PCDHGB1: variants seen among roughly 807,000 people sequenced by gnomAD.
PCDHGB1 encodes the protein protocadherin gamma subfamily B, 1.
In PCDHGB1, 34 loss-of-function variants were observed where a neutral mutation model predicts 56.6. That is an observed-to-expected ratio of 0.60 (90% CI 0.46 to 0.80). The LOEUF (loss-of-function observed/expected upper bound fraction) is 0.80. PCDHGB1 is among the 30% of genes least tolerant of loss of function. The pLI is 0.00. For synonymous variants in PCDHGB1, 561 were observed against 505.9 expected (o/e 1.11, Z -1.46); for missense variants, 1,278 against 1,204.6 (o/e 1.06, Z -0.90).
intron 1 of PCDHGB1, chr5:141,428,119 C>T (rs2097112199): frequency 6.2e-7 from 1 of 1,606,512 alleles, no homozygotes; most frequent in Non-Finnish European, 8.5e-7. Context: ...GCCATCGAGC[C>T]CGGGCTTTTC....
chr5:141,410,631 C>CT (rs768462511), intron 1 of PCDHGB1: 26 of 1,600,818 alleles, frequency 1.6e-5, no homozygotes, highest in Non-Finnish European at 2.2e-5. Context: ...GTGAGTTTCT[C>CT]TTTTTTGTGT....
chr5:141,364,290 G>C, intron 1 of PCDHGB1: 2 of 1,518,718 alleles, frequency 1.3e-6, no homozygotes, highest in Non-Finnish European at 1.8e-6. Context: ...GAAACAGCAG[G>C]CTGAACCAGA....
chr5:141,472,994 AAAAG>A (rs1425445230), intron 1 of PCDHGB1, among the ~76,000 whole-genome samples: 7 of 151,692 alleles, frequency 4.6e-5, no homozygotes, highest in African/African-American at 1.7e-4. Context: ...AAAAAAAAAA[AAAAG>A]AAAGAAAAAG....
Position 141,476,075 on chromosome 5 carries a change from G to T in PCDHGB1, c.2410-18732G>T. ...TGAAAGTTTCTCAGCGAAATCTCAG[G>T]GACGATCTGGACCCCGCTGAGAGGA... On this transcript the variant is annotated intron_variant, in intron 1 of 3. Coordinates refer to ENST00000523390, the MANE Select transcript of PCDHGB1 (RefSeq NM_018922.3). This position sits in a 1 kb window ranked among gnomAD's most constrained non-coding sequence, Gnocchi z 7.6. The T allele has an allele frequency of 6.6e-7, 1 of 1,526,282 alleles. No homozygotes were observed. The highest frequency in any genetic ancestry group is 1.3e-5 in the South Asian group (1 of 78,462). The allele number at this position is 1,526,282 out of a possible 1,614,324, so 94.5% of individuals were successfully genotyped here.
chr5:141,448,912 T>C (rs1195715286), intron 1 of PCDHGB1, among the ~76,000 whole-genome samples: 1 of 152,152 alleles, frequency 6.6e-6, no homozygotes, highest in Non-Finnish European at 1.5e-5. Flanking sequence ...GCCACTGCAC[T>C]CCAGCCTGGG....
rs552811383 is a variant in PCDHGB1, at chr5:141,351,385, T to C, written c.1125T>C (p.Asn375=). 2.0e-5 allele frequency: 32 copies of C among 1,612,156 alleles called. No individual in the cohort carries two copies. In the South Asian group the frequency reaches 3.2e-4, roughly 16 times the overall value. The change falls in exon 1 of 4, where the codon AAT becomes AAC. Residue 375 remains asparagine (N), a synonymous_variant. Transcript: ENST00000523390. ...IKVRDKDSGQ[N]GMVTCYTQEE... ...TGCGAGACAAGGATTCTGGGCAAAA[T>C]GGCATGGTGACATGCTATACTCAGG...
intron 1 of PCDHGB1, among the ~76,000 whole-genome samples, chr5:141,381,193 T>C (rs1052848234): frequency 2.6e-5 from 4 of 152,260 alleles, no homozygotes; most frequent in African/African-American, 9.6e-5. Context: ...TAAGCTTTCT[T>C]AGTGTTAGTT....
chr5:141,425,221 C>T (rs2096862694), intron 1 of PCDHGB1, among the ~76,000 whole-genome samples: 1 of 152,068 alleles, frequency 6.6e-6, no homozygotes, highest in African/African-American at 2.4e-5. Context: ...TGTACTTTGA[C>T]TGGAATTAGT....
intron 1 of PCDHGB1, chr5:141,418,372 A>G (rs771262387): frequency 3.1e-6 from 5 of 1,613,968 alleles, no homozygotes; most frequent in Non-Finnish European, 3.4e-6. Context: ...GCAAATACCA[A>G]CTAAGTCCTA....
intron 1 of PCDHGB1, chr5:141,382,918 G>T: frequency 2.6e-6 from 4 of 1,558,926 alleles, no homozygotes; most frequent in Non-Finnish European, 3.5e-6. Context: ...TCAGCCGAGG[G>T]GCGGGGACTA....
In PCDHGB1 at chr5:141,357,543, C is replaced by G. The variant is rs376070202; in HGVS notation, c.2409+4874C>G. On this transcript the variant is annotated intron_variant, in intron 1 of 3. Transcript: ENST00000523390. ...CCAGCTATGCAGACACGCTCATCAG[C>G]CGGGAGAGTTGTGAGAAAAGCGAGC... is the stretch of plus-strand genomic sequence containing the variant. 15 of 1,614,066 alleles carry G rather than the reference C, an allele frequency of 9.3e-6. No individual in the cohort carries two copies. In the African/African-American group the frequency reaches 2.0e-4, roughly 22 times the overall value.
intron 1 of PCDHGB1, among the ~76,000 whole-genome samples, chr5:141,456,668 T>G (rs2098874996): frequency 1.3e-5 from 2 of 152,254 alleles, no homozygotes; most frequent in Admixed American, 6.5e-5. Context: ...ATGTTTCATT[T>G]AAAAATGCAT....
intron 1 of PCDHGB1, among the ~76,000 whole-genome samples, chr5:141,459,682 A>G (rs557568098): frequency 2.4e-4 from 37 of 152,358 alleles, no homozygotes; most frequent in African/African-American, 8.2e-4. Flanking sequence ...AGCAATGCAT[A>G]AAGCGTTCCG....
intron 1 of PCDHGB1, chr5:141,400,290 C>G (rs1455484413): frequency 3.1e-6 from 5 of 1,613,972 alleles, no homozygotes; most frequent in Non-Finnish European, 3.4e-6. Context: ...CCGCCTGGAG[C>G]TGCTTCCAAC....
intron 1 of PCDHGB1, chr5:141,415,851 T>A: frequency 8.1e-7 from 1 of 1,228,614 alleles, no homozygotes; most frequent in Non-Finnish European, 1.1e-6. Flanking sequence ...TTGCAGAACC[T>A]TGTAGTTTAT....
In PCDHGB1 at chr5:141,357,521, G is replaced by A. The variant is rs747583956; in HGVS notation, c.2409+4852G>A. 4.3e-6 allele frequency: 7 copies of A among 1,614,228 alleles called. No homozygotes were observed. Among genetic ancestry groups the A allele is most frequent in the Non-Finnish European group, 5.9e-6 (7 of 1,180,044 alleles). ...AGTCACCTGATCTTCTCCCAACCCA[G>A]CTATGCAGACACGCTCATCAGCCGG... On this transcript the variant is annotated intron_variant, in intron 1 of 3. Transcript: ENST00000523390.
intron 1 of PCDHGB1, chr5:141,391,639 A>G (rs1166696968): frequency 6.6e-6 from 1 of 152,354 alleles, no homozygotes; most frequent in East Asian, 1.9e-4. Context: ...TAGTCAGTGA[A>G]AAAACTATCA....
At chr5:141,365,475 T>C in intron 1 of PCDHGB1, 1 of 1,613,978 alleles carries the variant, frequency 6.2e-7, no homozygotes, top group Non-Finnish European at 8.5e-7. Flanking sequence ...AATGGTGAGA[T>C]TGCATGCTCT....
intron 1 of PCDHGB1, chr5:141,412,207 C>T (rs529672287): frequency 1.1e-3 from 173 of 152,330 alleles, no homozygotes; most frequent in African/African-American, 4.1e-3. Flanking sequence ...GGTCATTTGA[C>T]ATAAACACTT....
Sources: allele counts gnomAD v4.1 joint callset (sites outside exome capture counted in the v4.1 genomes callset), GRCh38; gene constraint gnomAD v4.1.1; non-coding constraint Gnocchi (gnomAD v3.1); transcripts MANE v1.5; gene names NCBI Gene and HGNC (gene_info 2026-07-23, HGNC 2026-07-21).